The following SDK1 variants were observed in gnomAD, a reference collection of about 807,000 sequenced individuals.
SDK1 encodes the protein sidekick cell adhesion molecule 1, also known as protein sidekick-1.
SDK1 carries 157 observed loss-of-function variants against 245.5 expected under a neutral mutation model. That is an observed-to-expected ratio of 0.64 (90% CI 0.56 to 0.73). The LOEUF (loss-of-function observed/expected upper bound fraction) is 0.73. Among genes scored for constraint, SDK1 ranks in the 30% least tolerant of loss-of-function variants. SDK1 has a pLI of 0.00. For synonymous variants in SDK1, 1,647 were observed against 1,278.5 expected, an observed-to-expected ratio of 1.29 and a Z score of -6.15; for missense variants, 3,583 against 3,002.3, an observed-to-expected ratio of 1.19 and a Z score of -4.52.
intron 4 of SDK1, among the ~76,000 whole-genome samples, chr7:3,684,487 G>A (rs748141051): frequency 1.3e-5 from 2 of 152,298 alleles, no homozygotes; most frequent in South Asian, 2.1e-4. Context: ...ATACCCAGCC[G>A]GCCTTTATGC....
At chr7:3,606,015 G>T (rs185760780) in intron 1 of SDK1, among the ~76,000 whole-genome samples, 1 of 152,088 alleles carries the variant, frequency 6.6e-6, no homozygotes, top group East Asian at 1.9e-4. Flanking sequence ...GCATTTTTGT[G>T]AAAATAACAT....
chr7:3,329,823 A>G (rs372630624), intron 1 of SDK1, among the ~76,000 whole-genome samples: 1 of 152,248 alleles, frequency 6.6e-6, no homozygotes, highest in South Asian at 2.1e-4. Context: ...TCCCTAACCA[A>G]TGCAGTATAA....
chr7:4,234,816 G>A (rs1786046150), intron 41 of SDK1, among the ~76,000 whole-genome samples: 1 of 152,228 alleles, frequency 6.6e-6, no homozygotes, highest in South Asian at 2.1e-4. Flanking sequence ...GGGATGGGCT[G>A]TGTTTGAGGA....
chr7:3,453,324 C>T (rs1189284101), intron 1 of SDK1, among the ~76,000 whole-genome samples: 1 of 152,284 alleles, frequency 6.6e-6, no homozygotes, highest in Admixed American at 6.5e-5. Flanking sequence ...GAATAAGTTG[C>T]CCTGGTGGGC....
chr7:3,850,074 C>G (rs1034294058), intron 5 of SDK1, among the ~76,000 whole-genome samples: 2 of 152,222 alleles, frequency 1.3e-5, no homozygotes, highest in African/African-American at 4.8e-5. Context: ...ATGTAGGCTT[C>G]TATACTTACA....
intron 1 of SDK1, among the ~76,000 whole-genome samples, chr7:3,321,794 T>C (rs1241634473): frequency 1.0e-5 from 1 of 95,964 alleles, no homozygotes; most frequent in African/African-American, 4.7e-5. Context: ...CCTTCCTTCC[T>C]TCCTTCCTTC....
chr7:3,998,073 C>T (rs886977341), intron 14 of SDK1, among the ~76,000 whole-genome samples: 1 of 152,140 alleles, frequency 6.6e-6, no homozygotes, highest in African/African-American at 2.4e-5. Context: ...GCTCCCAGCC[C>T]GCCAAGAGCA....
At chr7:3,434,091 T>C (rs1238289099) in intron 1 of SDK1, among the ~76,000 whole-genome samples, 1 of 152,184 alleles carries the variant, frequency 6.6e-6, no homozygotes, top group East Asian at 1.9e-4. Context: ...AGGCAAAATC[T>C]ATCCATATGG....
intron 5 of SDK1, among the ~76,000 whole-genome samples, chr7:3,892,485 A>C (rs1472906762): frequency 6.6e-6 from 1 of 152,112 alleles, no homozygotes; most frequent in Non-Finnish European, 1.5e-5. Flanking sequence ...CTCCTCCCAC[A>C]AGTCATATGG....
intron 17 of SDK1, among the ~76,000 whole-genome samples, chr7:4,030,297 T>C (rs1328021070): frequency 6.6e-6 from 1 of 152,242 alleles, no homozygotes; most frequent in Non-Finnish European, 1.5e-5. Context: ...GTGACAGCTA[T>C]ATATGTGTAC....
chr7:3,474,712 A>T (rs1432080282), intron 1 of SDK1, among the ~76,000 whole-genome samples: 1 of 151,964 alleles, frequency 6.6e-6, no homozygotes, highest in East Asian at 1.9e-4. Flanking sequence ...ATTTTTTGAG[A>T]CAGGGTCTTA....
rs111587307 is a variant in SDK1, at chr7:3,403,022, C to A, written c.298+101138C>A. Among the ~76,000 whole-genome samples, 1,400 of 152,190 alleles carry A rather than the reference C, an allele frequency of 9.2e-3. 28 individuals are homozygous for A. Among genetic ancestry groups the A allele is most frequent in the African/African-American group, 0.032 (1,320 of 41,526 alleles). ...CTATCTCGGCTCACTGCAACCTCTG[C>A]CTCCCGGGTTCAAGTGATTCTCCTG... On this transcript the variant is annotated intron_variant, in intron 1 of 44. Transcript: ENST00000404826.
rs1779686055 is a variant in SDK1 at position 3,317,208 on chromosome 7, A to AG, written c.298+15326dup. On this transcript the variant is annotated intron_variant, in intron 1 of 44. Transcript: ENST00000404826. The stretch of plus-strand genomic sequence containing the variant: ...AAAAAAAAAAAAAAAAAAAAAAAAA[A>AG]GGCTATCATGGGAGTGCTTAATAAA... 2.2e-5 allele frequency among the ~76,000 whole-genome samples: 3 copies of AG among 138,996 alleles called. No homozygotes were observed. In the East Asian group the frequency reaches 6.6e-4, roughly 31 times the overall value. The allele number at this position is 138,996 out of a possible 152,430, so 91.2% of individuals were successfully genotyped here.
At chr7:3,463,881 C>T (rs1018359697) in intron 1 of SDK1, among the ~76,000 whole-genome samples, 12 of 152,192 alleles carry the variant, frequency 7.9e-5, no homozygotes, top group Admixed American at 6.5e-4. Flanking sequence ...TGGACACATT[C>T]CAGGCATAAG....
At chr7:3,947,226 T>C (rs1780612773) in intron 5 of SDK1, among the ~76,000 whole-genome samples, 1 of 152,182 alleles carries the variant, frequency 6.6e-6, no homozygotes, top group Admixed American at 6.5e-5. Flanking sequence ...TCACTCCCTG[T>C]TGTGTAATGA....
intron 1 of SDK1, among the ~76,000 whole-genome samples, chr7:3,363,790 G>T (rs140809513): frequency 8.1e-4 from 124 of 152,332 alleles, no homozygotes; most frequent in African/African-American, 2.9e-3. Context: ...TTCGTCCACT[G>T]CTCCCCTCCT....
At chr7:3,350,062 C>T (rs1027059416) in intron 1 of SDK1, among the ~76,000 whole-genome samples, 2 of 152,098 alleles carry the variant, frequency 1.3e-5, no homozygotes, top group Non-Finnish European at 2.9e-5. Flanking sequence ...AGCCCAATAA[C>T]AAAAGGTCAT....
At chr7:4,238,648 A>C (rs1786333145) in intron 42 of SDK1, among the ~76,000 whole-genome samples, 1 of 151,448 alleles carries the variant, frequency 6.6e-6, no homozygotes, top group South Asian at 2.1e-4. Flanking sequence ...TCCTGGGTTC[A>C]AGCAATTCGC....
intron 35 of SDK1, among the ~76,000 whole-genome samples, chr7:4,193,142 ATATAT>A (rs1190284384): frequency 5.3e-5 from 7 of 131,214 alleles, no homozygotes; most frequent in East Asian, 4.0e-4. Flanking sequence ...AAATATATTA[ATATAT>A]TTATATAATA....
Sources: allele counts gnomAD v4.1 joint callset (sites outside exome capture counted in the v4.1 genomes callset), GRCh38; gene constraint gnomAD v4.1.1; transcripts MANE v1.5; gene names NCBI Gene and HGNC (gene_info 2026-07-23, HGNC 2026-07-21).